Variants in NEXMIF observed in about 807,000 individuals in gnomAD.
NEXMIF encodes neurite extension and migration factor.
Under a neutral mutation model 62.1 loss-of-function variants are expected in NEXMIF, and 8 were observed. The ratio of observed to expected loss-of-function variants is 0.13; its 90% CI spans 0.08 to 0.23. The LOEUF (loss-of-function observed/expected upper bound fraction) is 0.23, where lower values mean the gene tolerates loss of function less well. Ranked by LOEUF, NEXMIF falls within the 10% of genes least tolerant of loss-of-function variation. The probability of loss-of-function intolerance (pLI) is 1.00; values close to 1 mark genes in which losing one functional copy is unlikely to be tolerated. For synonymous variants in NEXMIF, 404 were observed against 416.6 expected, an observed-to-expected ratio of 0.97 and a Z score of 0.37; for missense variants, 976 against 1,113.3, an observed-to-expected ratio of 0.88 and a Z score of 1.75.
intron 1 of NEXMIF, among the ~76,000 whole-genome samples, chrX:74,765,178 T>A (rs2080191107): frequency 9.0e-6 from 1 of 111,640 alleles, no homozygotes; most frequent in African/African-American, 3.3e-5. Flanking sequence ...CATTATGTAA[T>A]GCCCTTTTTA....
At chrX:74,777,344 AC>A (rs1450424080) in intron 1 of NEXMIF, among the ~76,000 whole-genome samples, 1 of 111,512 alleles carries the variant, frequency 9.0e-6, no homozygotes, top group Non-Finnish European at 1.9e-5. Flanking sequence ...CTTTTGGGGT[AC>A]ACGTGATAAT....
intron 1 of NEXMIF, among the ~76,000 whole-genome samples, chrX:74,834,764 A>G (rs1413478570): frequency 1.8e-5 from 2 of 111,215 alleles, no homozygotes; most frequent in Non-Finnish European, 3.8e-5. Context: ...AGGTTTGATT[A>G]TTAGATGCCT....
chrX:74,847,010 C>T (rs1400246411), intron 1 of NEXMIF, among the ~76,000 whole-genome samples: 1 of 111,918 alleles, frequency 8.9e-6, no homozygotes, highest in African/African-American at 3.2e-5. Flanking sequence ...GAAAAGAAAC[C>T]AATTAAGATC....
chrX:74,872,151 T>C (rs1304873883), intron 1 of NEXMIF, among the ~76,000 whole-genome samples: 1 of 111,380 alleles, frequency 9.0e-6, no homozygotes, highest in Non-Finnish European at 1.9e-5. Flanking sequence ...TTTATGTTCT[T>C]CTGCTACAGC....
At chrX:74,792,506 C>T (rs1403481361) in intron 1 of NEXMIF, among the ~76,000 whole-genome samples, 1 of 105,478 alleles carries the variant, frequency 9.5e-6, no homozygotes, top group East Asian at 3.0e-4. Flanking sequence ...TGGTGCACAG[C>T]TGAGTTCAAT....
At chrX:74,780,820 C>A (rs1456853736) in intron 1 of NEXMIF, among the ~76,000 whole-genome samples, 1 of 111,875 alleles carries the variant, frequency 8.9e-6, no homozygotes, top group Non-Finnish European at 1.9e-5. Flanking sequence ...AGTTAAGAAA[C>A]CTACCAAAGC....
Position 74,742,216 on chromosome X carries a change from C to G in NEXMIF, c.2341G>C (p.Ala781Pro). Reference sequence around the variant, plus strand: ...GGTAGAAAAGTGGAACTCTTAGCAGCCTTTGCCTCATGAAATTCAGATAGA... The same window carrying G: ...GGTAGAAAAGTGGAACTCTTAGCAGGCTTTGCCTCATGAAATTCAGATAGA... Reference protein sequence around the residue: ...SRLSEFHEAKAAKSSTFLPTT... With the variant: ...SRLSEFHEAKPAKSSTFLPTT... The change falls in exon 3 of 4, where the codon GCT becomes CCT. Residue 781 changes from alanine to proline, a missense_variant. By Grantham distance (27) the Ala-to-Pro change is conservative (BLOSUM62 -1). This residue lies in a region of NEXMIF where 639 missense variants were observed against 694.5 expected (regional missense o/e 0.92). Coordinates refer to ENST00000055682, the MANE Select transcript of NEXMIF (RefSeq NM_001008537.3). The G allele has an allele frequency of 8.3e-7, 1 of 1,210,945 alleles. No individual in the cohort carries two copies. The highest frequency in any genetic ancestry group is 1.1e-6 in the Non-Finnish European group (1 of 894,877).
intron 1 of NEXMIF, among the ~76,000 whole-genome samples, chrX:74,796,150 TA>T (rs2080306760): frequency 1.3e-5 from 1 of 75,566 alleles, no homozygotes; most frequent in Non-Finnish European, 2.4e-5. Context: ...ATATTATATA[TA>T]TACATATATA....
intron 1 of NEXMIF, among the ~76,000 whole-genome samples, chrX:74,877,762 G>A (rs1217338643): frequency 2.7e-5 from 3 of 111,425 alleles, no homozygotes; most frequent in Non-Finnish European, 5.7e-5. Flanking sequence ...CACTGATACC[G>A]TTTCTTGCAG....
chrX:74,772,362 C>T (rs2080212610), intron 1 of NEXMIF, among the ~76,000 whole-genome samples: 1 of 112,228 alleles, frequency 8.9e-6, no homozygotes, highest in Admixed American at 9.5e-5. Flanking sequence ...CAGGGCTATC[C>T]TGGAAGACCA....
At chrX:74,865,991 G>C (rs2080577747) in intron 1 of NEXMIF, among the ~76,000 whole-genome samples, 1 of 111,517 alleles carries the variant, frequency 9.0e-6, no homozygotes, top group Non-Finnish European at 1.9e-5. Flanking sequence ...TCCCCACACA[G>C]AATCTCCACT....
At chrX:74,796,303 TACAC>T (rs72437199) in intron 1 of NEXMIF, among the ~76,000 whole-genome samples, 3 of 65,232 alleles carry the variant, frequency 4.6e-5, no homozygotes, top group African/African-American at 1.8e-4. Flanking sequence ...TATATATATA[TACAC>T]ACACACACAC....
chrX:74,826,423 T>C (rs2080417650), intron 1 of NEXMIF, among the ~76,000 whole-genome samples: 1 of 112,286 alleles, frequency 8.9e-6, no homozygotes, highest in Admixed American at 9.5e-5. Context: ...TAGACCTTTG[T>C]CAGATGCATT....
At chrX:74,842,556 C>A (rs140874955) in intron 1 of NEXMIF, among the ~76,000 whole-genome samples, 2 of 110,745 alleles carry the variant, frequency 1.8e-5, no homozygotes, top group African/African-American at 6.6e-5. Flanking sequence ...CTTTCAGTTG[C>A]GATGTTAGGT....
intron 1 of NEXMIF, among the ~76,000 whole-genome samples, chrX:74,896,115 G>T (rs1325228920): frequency 9.0e-6 from 1 of 111,126 alleles, no homozygotes. Context: ...CTCCATCTCA[G>T]AGATCCAGAA....
chrX:74,739,854 A>G (rs1017712916), intron 3 of NEXMIF: 1 of 389,689 alleles, frequency 2.6e-6, no homozygotes, highest in Non-Finnish European at 4.4e-6. Flanking sequence ...AGAAGAAGAA[A>G]TAGCTTTGTT....
chrX:74,860,794 AAAG>A (rs1207117547), intron 1 of NEXMIF, among the ~76,000 whole-genome samples: 2 of 112,047 alleles, frequency 1.8e-5, no homozygotes, highest in South Asian at 3.7e-4. Flanking sequence ...GTACATCAAA[AAAG>A]AAGAACAACT....
chrX:74,763,971 C>A (rs2080186354), intron 1 of NEXMIF, among the ~76,000 whole-genome samples: 1 of 111,283 alleles, frequency 9.0e-6, no homozygotes, highest in South Asian at 3.8e-4. Context: ...CCTTCTCCTG[C>A]CTGATTGCCC....
rs777607570 is a variant in NEXMIF at position 74,742,012 on chromosome X, C to T, written c.2545G>A (p.Glu849Lys). 22 of 1,211,342 alleles carry T rather than the reference C, an allele frequency of 1.8e-5. No homozygotes were observed. Among genetic ancestry groups the T allele is most frequent in the Admixed American group, 6.5e-5 (3 of 46,002 alleles). ...EQNEGSLTQT[E>K]KSFVPLQPTQ... ...GGCTGGAGGGGTACAAATGATTTTTCGGTTTGAGTGAGGCTGCCTTCATTT... is the reference window on the plus strand; with the variant it reads ...GGCTGGAGGGGTACAAATGATTTTTTGGTTTGAGTGAGGCTGCCTTCATTT... The change falls in exon 3 of 4, where the codon GAA becomes AAA. Residue 849 changes from glutamate (E) to lysine (K), a missense_variant. By Grantham distance (56) the Glu-to-Lys change is moderately conservative. This residue lies in a region of NEXMIF where 639 missense variants were observed against 694.5 expected (regional missense o/e 0.92). Transcript: ENST00000055682.
Sources: gnomAD v4.1 joint callset for allele counts (sites outside exome capture counted in the v4.1 genomes callset) on GRCh38, gnomAD v4.1.1 for gene constraint, gnomAD v4.1.1 regional missense constraint, MANE v1.5 for transcripts, NCBI Gene and HGNC (gene_info 2026-07-23, HGNC 2026-07-21) for gene names.